The following CSNK1G3 variants were observed in gnomAD, a reference collection of about 807,000 sequenced individuals.
CSNK1G3 encodes the protein casein kinase I isoform gamma-3.
A neutral mutation model predicts 64.3 loss-of-function variants in CSNK1G3; 23 were observed. The ratio of observed to expected loss-of-function variants is 0.36; its 90% CI spans 0.26 to 0.51. The LOEUF is 0.51. CSNK1G3 is among the 20% of genes least tolerant of loss of function. CSNK1G3 has a pLI of 0.96. For missense variants in CSNK1G3, 357 were observed against 510.5 expected, an observed-to-expected ratio of 0.70 and a Z score of 2.90; for synonymous variants, 158 against 162.2, an observed-to-expected ratio of 0.97 and a Z score of 0.20.
At chr5:123,565,494 T>G (rs1227104993) in intron 4 of CSNK1G3, among the ~76,000 whole-genome samples, 1 of 152,232 alleles carries the variant, frequency 6.6e-6, no homozygotes, top group African/African-American at 2.4e-5. Flanking sequence ...AATTTAGGTT[T>G]TCTTAATCAG....
In CSNK1G3 at chr5:123,567,472, G is replaced by C. The variant is rs575226928; in HGVS notation, c.290-5921G>C. ...AATAAAAAGATTAGCTGGGCGTGGT[G>C]GCAGGTGCCTATAATCCCAGCTATT... On this transcript the variant is annotated intron_variant, in intron 4 of 12. Coordinates refer to ENST00000345990, the Ensembl canonical transcript of CSNK1G3. 2.0e-4 allele frequency among the ~76,000 whole-genome samples: 30 copies of C among 152,244 alleles called. No individual in the cohort carries two copies. The East Asian group carries it at 5.4e-3, about 27-fold the overall frequency.
At chr5:123,549,274 A>C (rs955218122) in intron 2 of CSNK1G3, among the ~76,000 whole-genome samples, 4 of 152,162 alleles carry the variant, frequency 2.6e-5, no homozygotes, top group African/African-American at 7.2e-5. Flanking sequence ...TAGCTAAAAT[A>C]TAGGGTTGTA....
intron 1 of CSNK1G3, among the ~76,000 whole-genome samples, chr5:123,539,366 G>A (rs962599660): frequency 6.6e-6 from 1 of 151,072 alleles, no homozygotes; most frequent in African/African-American, 2.4e-5. Flanking sequence ...AATCACCAGA[G>A]CCTGAGCAAG....
intron 6 of CSNK1G3, among the ~76,000 whole-genome samples, chr5:123,581,651 ATT>A (rs1023133585): frequency 2.6e-5 from 4 of 151,204 alleles, no homozygotes; most frequent in Non-Finnish European, 5.9e-5. Flanking sequence ...GTTCCTGTGT[ATT>A]GTCTTGCATA....
chr5:123,533,706 A>T (rs142761056), intron 1 of CSNK1G3, among the ~76,000 whole-genome samples: 1 of 151,748 alleles, frequency 6.6e-6, no homozygotes, highest in Admixed American at 6.6e-5. Flanking sequence ...ATGTGTTATT[A>T]TACTTCTCAA....
chr5:123,558,746 G>A (rs1404014109), intron 4 of CSNK1G3, among the ~76,000 whole-genome samples: 1 of 152,032 alleles, frequency 6.6e-6, no homozygotes, highest in Non-Finnish European at 1.5e-5. Flanking sequence ...CTGACAACTG[G>A]GATTTAAAGG....
chr5:123,587,926 CTT>C (rs1013489625), intron 6 of CSNK1G3, 140 bp from the exon 7 acceptor site: 8 of 532,824 alleles, frequency 1.5e-5, no homozygotes, highest in Middle Eastern at 4.9e-4. Flanking sequence ...AATTTTATCA[CTT>C]ATAGTTACTA....
At chr5:123,552,612 G>A (rs1783907947) in intron 2 of CSNK1G3, among the ~76,000 whole-genome samples, 1 of 152,004 alleles carries the variant, frequency 6.6e-6, no homozygotes, top group African/African-American at 2.4e-5. Context: ...GCCAATTATT[G>A]AATGTTTTTA....
chr5:123,565,358 G>A lies in CSNK1G3; in HGVS notation c.289+7794G>A, dbSNP rs1215979613. ...CCTCAAGAGCTTCAGGCCACATGTT[G>A]AAAACTGTTGATCTAGGAGTATAAG... On this transcript the variant is annotated intron_variant, in intron 4 of 12. Coordinates refer to ENST00000345990, the Ensembl canonical transcript of CSNK1G3. 2.0e-5 allele frequency among the ~76,000 whole-genome samples: 3 copies of A among 152,144 alleles called. No individual in the cohort carries two copies. The East Asian group carries it at 5.8e-4, about 29-fold the overall frequency.
intron 10 of CSNK1G3, among the ~76,000 whole-genome samples, chr5:123,593,868 A>G (rs1792910358): frequency 6.6e-6 from 1 of 152,100 alleles, no homozygotes; most frequent in Non-Finnish European, 1.5e-5. Context: ...CTGGCCAACA[A>G]TATGCTTGAG....
At chr5:123,535,793 T>C (rs781105576) in intron 1 of CSNK1G3, among the ~76,000 whole-genome samples, 21 of 152,146 alleles carry the variant, frequency 1.4e-4, no homozygotes, top group Non-Finnish European at 2.5e-4. Context: ...GCTTTTCAGA[T>C]ATCAAAATGA....
At chr5:123,523,842 T>C (rs750293908) in intron 1 of CSNK1G3, among the ~76,000 whole-genome samples, 12 of 152,244 alleles carry the variant, frequency 7.9e-5, no homozygotes, top group Non-Finnish European at 1.8e-4. Flanking sequence ...CTTTATTTCA[T>C]ATATTTAAAG....
At chr5:123,522,177 A>T (rs369326711) in intron 1 of CSNK1G3, among the ~76,000 whole-genome samples, 1 of 152,146 alleles carries the variant, frequency 6.6e-6, no homozygotes, top group African/African-American at 2.4e-5. Flanking sequence ...ATAGCTTCAT[A>T]CAGTTCCTCA....
At chr5:123,539,306 G>A (rs1485800503) in intron 1 of CSNK1G3, among the ~76,000 whole-genome samples, 1 of 151,964 alleles carries the variant, frequency 6.6e-6, no homozygotes, top group Non-Finnish European at 1.5e-5. Context: ...TTAGCTGAGT[G>A]TGGTGGTGTG....
At chr5:123,522,502 CAA>C (rs71644482) in intron 1 of CSNK1G3, among the ~76,000 whole-genome samples, 1 of 136,296 alleles carries the variant, frequency 7.3e-6, no homozygotes. Context: ...GATTCTGTCT[CAA>C]AAAAAAAAAA....
chr5:123,597,670 G>A (rs1793684922), intron 10 of CSNK1G3, among the ~76,000 whole-genome samples: 3 of 150,290 alleles, frequency 2.0e-5, no homozygotes, highest in African/African-American at 4.8e-5. Context: ...TGAACTCCCT[G>A]CCTTTCCAGA....
At chr5:123,608,127 T>C (rs1795689082) in intron 12 of CSNK1G3, among the ~76,000 whole-genome samples, 1 of 152,132 alleles carries the variant, frequency 6.6e-6, no homozygotes, top group South Asian at 2.1e-4. Flanking sequence ...ACTTCTCTTC[T>C]CTGTGCCACC....
chr5:123,545,067 A>G (rs1782299559), intron 1 of CSNK1G3, among the ~76,000 whole-genome samples: 1 of 152,054 alleles, frequency 6.6e-6, no homozygotes, highest in Non-Finnish European at 1.5e-5. Context: ...TTTAAATTGA[A>G]AATCTTATGT....
In CSNK1G3 at chr5:123,613,864, A is replaced by G. The variant is rs191856401; in HGVS notation, c.1218-478A>G. 5.8e-3 allele frequency among the ~76,000 whole-genome samples: 877 copies of G among 152,298 alleles called. 9 individuals are homozygous for G. The highest frequency in any genetic ancestry group is 0.02 in the African/African-American group (828 of 41,552). ...TCAAAATTGCCAGTCTTGGTATTCTATATAATGTATTTTCTGTCTTTCACT... is the reference window on the plus strand; with the variant it reads ...TCAAAATTGCCAGTCTTGGTATTCTGTATAATGTATTTTCTGTCTTTCACT... On this transcript the variant is annotated intron_variant, in intron 12 of 12. Coordinates refer to ENST00000345990, the Ensembl canonical transcript of CSNK1G3.
Sources: gnomAD v4.1 joint callset for allele counts (sites outside exome capture counted in the v4.1 genomes callset) on GRCh38, gnomAD v4.1.1 for gene constraint, MANE v1.5 for transcripts, NCBI Gene and HGNC (gene_info 2026-07-23, HGNC 2026-07-21) for gene names.